The following SYT1 variants were observed in gnomAD, a reference collection of about 807,000 sequenced individuals.
The protein encoded by SYT1 is synaptotagmin-1.
Under a neutral mutation model 44.8 loss-of-function variants are expected in SYT1, and 8 were observed. That is an observed-to-expected ratio of 0.18 (90% CI 0.10 to 0.32). SYT1 has a LOEUF of 0.32. Among genes scored for constraint, SYT1 ranks in the 10% least tolerant of loss-of-function variants. The probability of loss-of-function intolerance (pLI) is 1.00; values close to 1 mark genes in which losing one functional copy is unlikely to be tolerated. For missense variants in SYT1, 286 were observed against 509.3 expected (o/e 0.56, Z 4.22); for synonymous variants, 154 against 188.8 (o/e 0.82, Z 1.51).
intron 2 of SYT1, among the ~76,000 whole-genome samples, chr12:79,019,218 A>C (rs559061704): frequency 2.0e-5 from 3 of 152,190 alleles, no homozygotes; most frequent in East Asian, 3.9e-4. Context: ...AAGACAGTAA[A>C]ATGTGATTTC....
At chr12:78,884,603 T>C (rs1201678561) in intron 1 of SYT1, among the ~76,000 whole-genome samples, 1 of 151,324 alleles carries the variant, frequency 6.6e-6, no homozygotes, top group Non-Finnish European at 1.5e-5. Context: ...ATTGATTCTC[T>C]TTATCATAAT....
chr12:79,164,150 G>A (rs1871111756), intron 3 of SYT1, among the ~76,000 whole-genome samples: 1 of 152,028 alleles, frequency 6.6e-6, no homozygotes, highest in African/African-American at 2.4e-5. Flanking sequence ...TTATCGTAGG[G>A]ACAACATCAA....
chr12:79,048,084 T>C (rs1414401323), intron 3 of SYT1, among the ~76,000 whole-genome samples: 1 of 151,912 alleles, frequency 6.6e-6, no homozygotes, highest in Non-Finnish European at 1.5e-5. Context: ...AAACCCATGT[T>C]GATGACCCAC....
chr12:79,397,545 T>C (rs772289745), intron 9 of SYT1, among the ~76,000 whole-genome samples: 7 of 152,160 alleles, frequency 4.6e-5, no homozygotes, highest in Non-Finnish European at 1.0e-4. Flanking sequence ...GGTTTTTAAA[T>C]GAAAGGAGAT....
chr12:79,014,206 GA>G (rs919021679), intron 2 of SYT1, among the ~76,000 whole-genome samples: 16 of 148,456 alleles, frequency 1.1e-4, no homozygotes, highest in Admixed American at 9.4e-4. Context: ...AACTTCTAAT[GA>G]AAAACCAGTT....
chr12:78,866,819 T>C (rs1592505460), intron 1 of SYT1, among the ~76,000 whole-genome samples: 2 of 152,280 alleles, frequency 1.3e-5, no homozygotes, highest in Admixed American at 1.3e-4. Context: ...AAGAGAATCT[T>C]CTATCTTAAC....
intron 3 of SYT1, among the ~76,000 whole-genome samples, chr12:79,156,549 C>T (rs1870609321): frequency 6.6e-6 from 1 of 151,980 alleles, no homozygotes. Context: ...CTCACTGCAA[C>T]CTCTGCCTCC....
At chr12:79,211,602 C>T (rs913738984) in intron 3 of SYT1, among the ~76,000 whole-genome samples, 1 of 134,206 alleles carries the variant, frequency 7.5e-6, no homozygotes. Context: ...CCCCCCACCC[C>T]ACAACAGTCC....
chr12:78,871,165 A>C lies in SYT1; in HGVS notation c.-217+6056A>C, dbSNP rs568003073. Among the ~76,000 whole-genome samples the C allele has an allele frequency of 2.9e-3, 441 of 152,150 alleles. 1 individual carries two copies. The highest frequency in any genetic ancestry group is 0.01 in the African/African-American group (424 of 41,540). ...TGTGTCTGGAGACCCTTAAATAAGC[A>C]CATGCTTCATGGTCATTATCCCAGA... On this transcript the variant is annotated intron_variant, in intron 1 of 10. Coordinates refer to ENST00000261205, the MANE Select transcript of SYT1 (RefSeq NM_005639.3).
At chr12:79,265,950 C>G (rs1371833289) in intron 4 of SYT1, among the ~76,000 whole-genome samples, 1 of 152,092 alleles carries the variant, frequency 6.6e-6, no homozygotes, top group East Asian at 1.9e-4. Flanking sequence ...TCTGTCATTT[C>G]CATAGTCTAT....
At chr12:79,366,044 T>A (rs761072027) in intron 9 of SYT1, among the ~76,000 whole-genome samples, 3 of 152,188 alleles carry the variant, frequency 2.0e-5, no homozygotes, top group Non-Finnish European at 4.4e-5. Flanking sequence ...ATTTCTAGAC[T>A]TTATAAAAAC....
intron 1 of SYT1, among the ~76,000 whole-genome samples, chr12:78,911,203 G>A (rs557452491): frequency 1.3e-5 from 2 of 152,092 alleles, no homozygotes; most frequent in South Asian, 4.2e-4. Flanking sequence ...GACGGATGTG[G>A]GTGTTATTCA....
Position 78,931,323 on chromosome 12 carries a change from GGGAGGGAGGGAGGGAAGGAA to G in SYT1, c.-216-46472_-216-46453del, listed in dbSNP as rs1291013339. 2.7e-3 allele frequency among the ~76,000 whole-genome samples: 68 copies of G among 25,530 alleles called. 5 individuals are homozygous for G. The highest frequency in any genetic ancestry group is 0.013 in the African/African-American group (53 of 4,000). The allele number at this position is 25,530 out of a possible 152,430, so 16.7% of individuals were successfully genotyped here. A position where few individuals can be genotyped will look rare whatever the true frequency, so the allele number is the denominator to read the frequency against. On this transcript the variant is annotated intron_variant, in intron 1 of 10. Coordinates refer to ENST00000261205, the MANE Select transcript of SYT1 (RefSeq NM_005639.3). ...GGAAGGAAGGAGAGGGAGGGAGGGA[GGGAGGGAGGGAGGGAAGGAA>G]GGAAGGAAGGAAGGAAGGAAGGAAG...
At chr12:79,317,572 A>G (rs528902657) in intron 8 of SYT1, among the ~76,000 whole-genome samples, 1 of 152,288 alleles carries the variant, frequency 6.6e-6, no homozygotes, top group African/African-American at 2.4e-5. Flanking sequence ...CCCGGGGCAC[A>G]CAAACCCAGC....
At chr12:79,223,280 G>A (rs1241399148) in intron 4 of SYT1, among the ~76,000 whole-genome samples, 1 of 152,232 alleles carries the variant, frequency 6.6e-6, no homozygotes, top group Non-Finnish European at 1.5e-5. Flanking sequence ...CCTGCAGTAG[G>A]GTGTGGTGCT....
chr12:79,206,420 T>C, intron 3 of SYT1, among the ~76,000 whole-genome samples: 1 of 152,188 alleles, frequency 6.6e-6, no homozygotes, highest in East Asian at 1.9e-4. Flanking sequence ...GCAGGAATAA[T>C]AACTGTGTTG....
intron 3 of SYT1, among the ~76,000 whole-genome samples, chr12:79,111,429 C>A (rs543597210): frequency 6.6e-6 from 1 of 152,122 alleles, no homozygotes; most frequent in African/African-American, 2.4e-5. Flanking sequence ...ACTATCAGAA[C>A]CTTTCAAGCA....
chr12:79,198,171 C>A (rs1873571551), intron 3 of SYT1, among the ~76,000 whole-genome samples: 1 of 152,040 alleles, frequency 6.6e-6, no homozygotes, highest in African/African-American at 2.4e-5. Context: ...ATTCTCAGCT[C>A]CTTATCTTTG....
At chr12:79,179,326 A>ATCGATATGTCTATATC (rs2138396445) in intron 3 of SYT1, among the ~76,000 whole-genome samples, 1 of 121,418 alleles carries the variant, frequency 8.2e-6, no homozygotes, top group South Asian at 2.6e-4. Context: ...ATATAGATAT[A>ATCGATATGTCTATATC]GATATAGATA....
Sources: allele counts gnomAD v4.1 joint callset (sites outside exome capture counted in the v4.1 genomes callset), GRCh38; gene constraint gnomAD v4.1.1; transcripts MANE v1.5; gene names NCBI Gene and HGNC (gene_info 2026-07-23, HGNC 2026-07-21).